NOC3L: variants seen among roughly 807,000 people sequenced by gnomAD.
NOC3L encodes nucleolar complex protein 3 homolog.
In NOC3L, 85 loss-of-function variants were observed where a neutral mutation model predicts 102.5. The ratio of observed to expected loss-of-function variants is 0.83; its 90% CI spans 0.70 to 0.99. NOC3L has a LOEUF of 0.99. Ranked by LOEUF, NOC3L falls within the 50% of genes least tolerant of loss-of-function variation. NOC3L has a pLI of 0.00. For missense variants in NOC3L, 878 were observed against 914.9 expected, an observed-to-expected ratio of 0.96 and a Z score of 0.52; for synonymous variants, 303 against 309.4, an observed-to-expected ratio of 0.98 and a Z score of 0.22.
the NOC3L span, among the ~76,000 whole-genome samples, chr10:94,326,822 C>T: frequency 6.6e-6 from 1 of 152,022 alleles, no homozygotes; most frequent in African/African-American, 2.4e-5. Flanking sequence ...TCTAAGCAAG[C>T]AGATATTTAG....
intron 7 of NOC3L, 98 bp downstream of exon 7, chr10:94,352,798 G>A: frequency 2.9e-6 from 3 of 1,030,212 alleles, no homozygotes; most frequent in Non-Finnish European, 4.3e-6. Flanking sequence ...CTCTAGTCTG[G>A]GCGACAGAGT....
intron 8 of NOC3L, 73 bp downstream of exon 8, chr10:94,352,237 G>T: frequency 9.6e-7 from 1 of 1,046,226 alleles, no homozygotes; most frequent in Non-Finnish European, 1.5e-6. Flanking sequence ...ACACAACACA[G>T]AACACTGTAC....
Position 94,362,876 on chromosome 10 carries a change from C to T in NOC3L, c.-38G>A. ...AATGAATGCCGGCCAGACAAGTTCA[C>T]CAGAAGCAGGGTTACTACAGAAATC... On this transcript the variant is annotated 5_prime_UTR_variant, in exon 1 of 21. The change creates a new upstream start codon in the 5' untranslated region. Coordinates refer to ENST00000371361, the MANE Select transcript of NOC3L (RefSeq NM_022451.11). 1 of 1,613,948 alleles carries T rather than the reference C, an allele frequency of 6.2e-7. No homozygotes were observed. Among genetic ancestry groups the T allele is most frequent in the Non-Finnish European group, 8.5e-7 (1 of 1,180,022 alleles).
At position 94,339,904 on chromosome 10, in the gene NOC3L, A is replaced by T. The variant is rs1209908903; in HGVS notation, c.1797T>A (p.Gly599=). ...FKLHAGATNE[G]VEIVLQCLDV... ...CAAGGCACTGGAGTACAATCTCAAC[A>T]CCTTCATTGGTAGCACCTAAAACAG... is the stretch of plus-strand genomic sequence containing the variant. The change falls in exon 17 of 21, where the codon GGT becomes GGA. Residue 599 remains glycine, a synonymous_variant. Coordinates refer to ENST00000371361, the MANE Select transcript of NOC3L (RefSeq NM_022451.11). The T allele has an allele frequency of 6.2e-7, 1 of 1,613,574 alleles. No homozygotes were observed. The highest frequency in any genetic ancestry group is 2.2e-5 in the East Asian group (1 of 44,876).
rs202209347 is a variant in NOC3L at position 94,334,270 on chromosome 10, T to C, written c.2310A>G (p.Glu770=). 2.3e-5 allele frequency: 37 copies of C among 1,609,632 alleles called. No homozygotes were observed. The highest frequency in any genetic ancestry group is 3.1e-5 in the Non-Finnish European group (36 of 1,177,414). Residue 770 remains glutamate, a synonymous_variant, in exon 21 of 21, where the codon GAA becomes GAG. Coordinates refer to ENST00000371361, the MANE Select transcript of NOC3L (RefSeq NM_022451.11). ...ATCTTTTGATTAGCTGATTTAAATC[T>C]TCATTCAAAAATGAATCCCCTTGTA... ...KFLQGDSFLN[E]DLNQLIKRYS...
the NOC3L span, chr10:94,316,694 T>C: frequency 6.2e-7 from 1 of 1,614,098 alleles, no homozygotes; most frequent in South Asian, 1.1e-5. Context: ...CATGCAAATT[T>C]TAAGCAGCTG....
At chr10:94,357,998 C>T in intron 3 of NOC3L, 85 bp downstream of exon 3, 1 of 799,696 alleles carries the variant, frequency 1.3e-6, no homozygotes, top group South Asian at 1.4e-5. Flanking sequence ...CAAAGGTGAA[C>T]ACCTTGAACC....
chr10:94,358,162 T>G lies in NOC3L; in HGVS notation c.271A>C (p.Met91Leu). The G allele has an allele frequency of 6.2e-7, 1 of 1,611,020 alleles. No individual in the cohort carries two copies. The highest frequency in any genetic ancestry group is 8.5e-7 in the Non-Finnish European group (1 of 1,178,116). The change falls in exon 3 of 21, where the codon ATG becomes CTG. Residue 91 changes from methionine to leucine, a missense_variant. Coordinates refer to ENST00000371361, the MANE Select transcript of NOC3L (RefSeq NM_022451.11). Reference protein sequence around the residue: ...EEEEEALPLDMMDEDDLQLMK... With the variant: ...EEEEEALPLDLMDEDDLQLMK... ...AACTGTAAGTCATCTTCATCCATCA[T>G]ATCTAAAGGAAGGGCTTCTTCTTCT...
At chr10:94,336,224 T>TC (rs1025502579) in intron 19 of NOC3L, among the ~76,000 whole-genome samples, 1 of 152,046 alleles carries the variant, frequency 6.6e-6, no homozygotes, top group Non-Finnish European at 1.5e-5. Context: ...ATGGGGTTCC[T>TC]CCCCTCCAGA....
chr10:94,315,267 T>C, the NOC3L span: 6 of 373,142 alleles, frequency 1.6e-5, no homozygotes, highest in Non-Finnish European at 2.6e-5. Context: ...ACATTCTGCT[T>C]TTCCTCCTGG....
chr10:94,353,501 T>C (rs940971830), intron 6 of NOC3L, among the ~76,000 whole-genome samples: 5 of 152,078 alleles, frequency 3.3e-5, no homozygotes, highest in Admixed American at 1.3e-4. Context: ...GAGTGAGAAG[T>C]CACTTGTTAC....
rs2054346990 is a variant in NOC3L at position 94,346,624 on chromosome 10, A to G, written c.1258-68T>C. The stretch of plus-strand genomic sequence containing the variant: ...TATTGCCCTCAAAAACTTTACATAG[A>G]AAAGCATTTAACAGTGTTATTTCCC... On this transcript the variant is annotated intron_variant, in intron 10 of 20. Transcript: ENST00000371361. The G allele has an allele frequency of 9.7e-6, 9 of 930,074 alleles. No homozygotes were observed. In the East Asian group the frequency reaches 2.8e-4, roughly 29 times the overall value. 57.6% of individuals were successfully genotyped at this position (930,074 alleles called of 1,614,324 possible). A position where few individuals can be genotyped will look rare whatever the true frequency, so the allele number is the denominator to read the frequency against.
At chr10:94,362,354 T>C (rs1263595433) in intron 1 of NOC3L, among the ~76,000 whole-genome samples, 4 of 152,204 alleles carry the variant, frequency 2.6e-5, no homozygotes, top group Admixed American at 6.5e-5. Context: ...AGGGCAAAAC[T>C]GAATTCGGAT....
the NOC3L span, among the ~76,000 whole-genome samples, chr10:94,319,241 G>A: frequency 6.6e-6 from 1 of 152,106 alleles, no homozygotes; most frequent in African/African-American, 2.4e-5. Context: ...TGAAATGACT[G>A]AAATATATCT....
chr10:94,315,290 G>A, the NOC3L span: 80 of 408,662 alleles, frequency 2.0e-4, no homozygotes, highest in South Asian at 1.3e-3. Flanking sequence ...AGATGTGTTC[G>A]CTCTGGGCTT....
At chr10:94,324,971 G>A in the NOC3L span, 57 of 1,613,990 alleles carry the variant, frequency 3.5e-5, no homozygotes, top group African/African-American at 6.7e-5. Context: ...AAACAGCCCC[G>A]AGGACTTACA....
At chr10:94,341,009 A>G (rs969124572) in intron 14 of NOC3L, among the ~76,000 whole-genome samples, 13 of 151,462 alleles carry the variant, frequency 8.6e-5, no homozygotes, top group Admixed American at 2.0e-4. Flanking sequence ...AATTTCTACA[A>G]AAAAATAGAA....
At chr10:94,344,810 C>CT (rs1454416239) in intron 12 of NOC3L, 43 bp downstream of exon 12, 13 of 1,448,454 alleles carry the variant, frequency 9.0e-6, no homozygotes, top group Non-Finnish European at 9.4e-6. Flanking sequence ...GTTTAAACAA[C>CT]TTAACGCATT....
At chr10:94,356,158 T>C (rs556992232) in intron 5 of NOC3L, among the ~76,000 whole-genome samples, 48 of 152,332 alleles carry the variant, frequency 3.2e-4, no homozygotes, top group Non-Finnish European at 5.0e-4. Flanking sequence ...ATAATTGTGC[T>C]AGAAACAAAC....
Sources: allele counts gnomAD v4.1 joint callset (sites outside exome capture counted in the v4.1 genomes callset), GRCh38; gene constraint gnomAD v4.1.1; transcripts MANE v1.5; gene names NCBI Gene and HGNC (gene_info 2026-07-23, HGNC 2026-07-21).